Variants in ABHD10 observed in about 807,000 individuals in gnomAD.
ABHD10 encodes palmitoyl-protein thioesterase ABHD10, mitochondrial.
A neutral mutation model predicts 33.1 loss-of-function variants in ABHD10; 22 were observed. That is an observed-to-expected ratio of 0.66 (90% CI 0.47 to 0.95). ABHD10 has a LOEUF of 0.95. Among genes scored for constraint, ABHD10 ranks in the 40% least tolerant of loss-of-function variants. The pLI is 0.00. For missense variants in ABHD10, 352 were observed against 379.9 expected (o/e 0.93, Z 0.61); for synonymous variants, 146 against 133.9 (o/e 1.09, Z -0.62).
At chr3:111,987,157 A>T (rs1459727278) in intron 4 of ABHD10, 106 bp downstream of exon 4, 2 of 1,354,880 alleles carry the variant, frequency 1.5e-6, no homozygotes, top group African/African-American at 3.0e-5. Context: ...AATTCCTTTG[A>T]CTTACTGTGC....
At chr3:111,980,910 G>T (rs531816151) in intron 1 of ABHD10, among the ~76,000 whole-genome samples, 1 of 152,100 alleles carries the variant, frequency 6.6e-6, no homozygotes, top group African/African-American at 2.4e-5. Context: ...ATGGGTGGGC[G>T]GGTGGATGGG....
chr3:111,986,114 TTAA>T, intron 2 of ABHD10, 147 bp from the exon 3 acceptor site: 2 of 509,340 alleles, frequency 3.9e-6, no homozygotes, highest in East Asian at 3.3e-5. Flanking sequence ...TATTTGAAAG[TTAA>T]TAAGCCAATA....
Position 111,987,056 on chromosome 3 carries a change from G to C in ABHD10, c.576+5G>C. ...TTTAATCAGCTTCCTGTTGAGGTAAGTCAAAAGTCACTTTTGCCACCTCAA... is the reference window on the plus strand; with the variant it reads ...TTTAATCAGCTTCCTGTTGAGGTAACTCAAAAGTCACTTTTGCCACCTCAA... On this transcript the variant is annotated splice_donor_5th_base_variant and intron_variant, in intron 4 of 4. Transcript: ENST00000273359. 1 of 1,611,516 alleles carries C rather than the reference G, an allele frequency of 6.2e-7. No homozygotes were observed. Among genetic ancestry groups the C allele is most frequent in the Non-Finnish European group, 8.5e-7 (1 of 1,179,556 alleles).
intron 2 of ABHD10, among the ~76,000 whole-genome samples, chr3:111,984,952 C>T (rs1409171216): frequency 1.3e-5 from 2 of 152,186 alleles, no homozygotes; most frequent in African/African-American, 2.4e-5. Flanking sequence ...ACGAATAAAA[C>T]AGCCTCCTCT....
chr3:111,987,710 T>G (rs2072686627), intron 4 of ABHD10, among the ~76,000 whole-genome samples: 1 of 152,224 alleles, frequency 6.6e-6, no homozygotes, highest in Non-Finnish European at 1.5e-5. Flanking sequence ...ACACGTTCAA[T>G]ACAGAGGTAA....
Position 111,993,146 on chromosome 3 carries a change from C to G in ABHD10, c.*1425C>G, listed in dbSNP as rs1035098322. 1.3e-5 allele frequency: 2 copies of G among 152,214 alleles called. No individual in the cohort carries two copies. Among genetic ancestry groups the G allele is most frequent in the African/African-American group, 4.8e-5 (2 of 41,444 alleles). The allele number at this position is 152,214 out of a possible 1,614,324, so 9.4% of individuals were successfully genotyped here. ...ACCAGCTCCCAGTAAAAACCCCAGG[C>G]ACTCAGTCTCTAACAAGCTTTTCTG... On this transcript the variant is annotated 3_prime_UTR_variant, in exon 5 of 5. Transcript: ENST00000273359.
chr3:111,987,185 T>C (rs1282730), intron 4 of ABHD10, 134 bp downstream of exon 4: 103,250 of 898,218 alleles, frequency 0.11, 6,974 homozygotes, highest in African/African-American at 0.26. Context: ...ACTTTTGTCT[T>C]AGCTGCCTTT....
intron 4 of ABHD10, 24 bp downstream of exon 4, chr3:111,987,075 A>G (rs761607145): frequency 1.2e-6 from 2 of 1,608,772 alleles, no homozygotes. Flanking sequence ...CACTTTTGCC[A>G]CCTCAATATA....
chr3:111,985,569 C>G (rs535753392), intron 2 of ABHD10, among the ~76,000 whole-genome samples: 5 of 152,222 alleles, frequency 3.3e-5, no homozygotes, highest in African/African-American at 1.2e-4. Flanking sequence ...AAATATATCT[C>G]AAGTAGTAAT....
Position 111,992,446 on chromosome 3 carries a change from T to C in ABHD10, c.*725T>C, listed in dbSNP as rs2072753518. On this transcript the variant is annotated 3_prime_UTR_variant, in exon 5 of 5. Transcript: ENST00000273359. Reference sequence around the variant, plus strand: ...AAATTAAAGAGGAAATTAATCTTTATATATTATTTCTTGCAGAAACATTCA... The same window carrying C: ...AAATTAAAGAGGAAATTAATCTTTACATATTATTTCTTGCAGAAACATTCA... The C allele has an allele frequency of 6.6e-6, 1 of 150,602 alleles. No homozygotes were observed. The highest frequency in any genetic ancestry group is 2.1e-4 in the South Asian group (1 of 4,836). 9.3% of individuals were successfully genotyped at this position (150,602 alleles called of 1,614,324 possible).
chr3:111,979,236 T>G (rs2072544642), intron 1 of ABHD10, 33 bp downstream of exon 1: 1 of 1,569,786 alleles, frequency 6.4e-7, no homozygotes, highest in Non-Finnish European at 8.7e-7. Context: ...TAGGATGCGT[T>G]CTTTCGAACG....
chr3:111,986,813 T>G, intron 3 of ABHD10, 101 bp from the exon 4 acceptor site: 1 of 822,418 alleles, frequency 1.2e-6, no homozygotes, highest in Non-Finnish European at 1.8e-6. Context: ...TTTAAAATGA[T>G]TCTATTTTTA....
At position 111,991,903 on chromosome 3, in the gene ABHD10, T is replaced by C; in HGVS notation, c.*182T>C. 1 of 501,462 alleles carries C rather than the reference T, an allele frequency of 2.0e-6. No homozygotes were observed. Among genetic ancestry groups the C allele is most frequent in the South Asian group, 3.7e-5 (1 of 26,744 alleles). The allele number at this position is 501,462 out of a possible 1,614,324, so 31.1% of individuals were successfully genotyped here. On this transcript the variant is annotated 3_prime_UTR_variant, in exon 5 of 5. Transcript: ENST00000273359. ...ATTGTGAAGAAGGACCAGCTGCTGT[T>C]TAGAAAATTTTCTCCTTCCTTCTGT...
chr3:111,981,003 C>G (rs535889106), intron 1 of ABHD10, among the ~76,000 whole-genome samples: 5 of 152,002 alleles, frequency 3.3e-5, no homozygotes, highest in South Asian at 2.1e-4. Context: ...TCCCTGACCC[C>G]CAAGAAAGTA....
At chr3:111,982,091 C>G (rs931899224) in intron 2 of ABHD10, 124 bp downstream of exon 2, 84 of 814,258 alleles carry the variant, frequency 1.0e-4, no homozygotes, top group Admixed American at 2.9e-4. Context: ...GGTCTGTAAA[C>G]TTGCATCTTG....
chr3:111,982,800 T>C (rs2107709967), intron 2 of ABHD10, among the ~76,000 whole-genome samples: 2 of 152,318 alleles, frequency 1.3e-5, no homozygotes, highest in South Asian at 4.1e-4. Flanking sequence ...AAACATTCAT[T>C]CAATAATTCT....
intron 1 of ABHD10, 81 bp from the exon 2 acceptor site, chr3:111,981,703 A>G: frequency 4.8e-6 from 6 of 1,249,930 alleles, no homozygotes; most frequent in Non-Finnish European, 6.5e-6. Context: ...TTGAGATAAG[A>G]AAGTTAAGAT....
At chr3:111,983,606 CTTCTA>C (rs1215584297) in intron 2 of ABHD10, among the ~76,000 whole-genome samples, 12 of 152,086 alleles carry the variant, frequency 7.9e-5, no homozygotes, top group South Asian at 2.1e-4. Context: ...GAGATTTTAT[CTTCTA>C]TTCTCTAATT....
chr3:111,987,820 C>G (rs929478795), intron 4 of ABHD10, among the ~76,000 whole-genome samples: 5 of 152,118 alleles, frequency 3.3e-5, no homozygotes, highest in African/African-American at 9.7e-5. Flanking sequence ...AGCCTAAAAG[C>G]AGCCTCAGTT....
Sources: allele counts gnomAD v4.1 joint callset (sites outside exome capture counted in the v4.1 genomes callset), GRCh38; gene constraint gnomAD v4.1.1; transcripts MANE v1.5; gene names NCBI Gene and HGNC (gene_info 2026-07-23, HGNC 2026-07-21).